The following CAMK2D variants were observed in gnomAD, a reference collection of about 807,000 sequenced individuals.
The protein encoded by CAMK2D is calcium/calmodulin dependent protein kinase II delta.
In CAMK2D, 37 loss-of-function variants were observed where a neutral mutation model predicts 84.0. The observed-to-expected ratio is 0.44, with a 90% CI of 0.34 to 0.58. CAMK2D has a LOEUF of 0.58. Ranked by LOEUF, CAMK2D falls within the 20% of genes least tolerant of loss-of-function variation. The pLI is 0.02. For missense variants in CAMK2D, 448 were observed against 652.5 expected (o/e 0.69, Z 3.41); for synonymous variants, 202 against 212.5 (o/e 0.95, Z 0.43).
At chr4:113,508,380 G>A (rs2098161143) in intron 13 of CAMK2D, 2 of 746,972 alleles carry the variant, frequency 2.7e-6, no homozygotes, top group African/African-American at 1.8e-5. Context: ...GGAGCTATAA[G>A]TTGAATGGAA....
intron 13 of CAMK2D, among the ~76,000 whole-genome samples, chr4:113,506,296 C>A (rs1046265724): frequency 5.9e-5 from 9 of 152,024 alleles, no homozygotes; most frequent in Admixed American, 5.2e-4. Context: ...TCTTTTCATT[C>A]CCTTTTGTCT....
At chr4:113,595,100 G>T (rs900722075) in intron 4 of CAMK2D, among the ~76,000 whole-genome samples, 1 of 152,008 alleles carries the variant, frequency 6.6e-6, no homozygotes, top group Admixed American at 6.5e-5. Context: ...AACTAGGCAA[G>T]AAGAAGAGTG....
Position 113,549,156 on chromosome 4 carries a change from G to A in CAMK2D, c.342-1440C>T, listed in dbSNP as rs2154197052. Among the ~76,000 whole-genome samples, 3 of 152,276 alleles carry A rather than the reference G, an allele frequency of 2.0e-5. 1 individual carries two copies. The South Asian group carries it at 6.2e-4, about 32-fold the overall frequency. ...AATCTGAGGTCACAATTAAACAGGTGTTGAAACAAGAGGGTAAACACAGAT... is the reference window on the plus strand; with the variant it reads ...AATCTGAGGTCACAATTAAACAGGTATTGAAACAAGAGGGTAAACACAGAT... On this transcript the variant is annotated intron_variant, in intron 5 of 20. Coordinates refer to ENST00000511664, the MANE Select transcript of CAMK2D (RefSeq NM_001321571.2).
intron 16 of CAMK2D, among the ~76,000 whole-genome samples, chr4:113,466,069 C>A (rs562103156): frequency 7.3e-5 from 11 of 151,630 alleles, no homozygotes; most frequent in Admixed American, 6.6e-5. Flanking sequence ...CTGACCCACA[C>A]GGAGAAACTT....
intron 2 of CAMK2D, among the ~76,000 whole-genome samples, chr4:113,684,566 T>C (rs770263187): frequency 6.6e-6 from 1 of 152,190 alleles, no homozygotes; most frequent in Admixed American, 6.5e-5. Flanking sequence ...GGGAAGAAGA[T>C]GACTATGCAG....
chr4:113,681,113 T>C (rs936186137), intron 2 of CAMK2D, among the ~76,000 whole-genome samples: 1 of 152,244 alleles, frequency 6.6e-6, no homozygotes, highest in African/African-American at 2.4e-5. Flanking sequence ...GATAGTCATA[T>C]TTAAGCTATA....
At chr4:113,635,130 G>C (rs2099105175) in intron 3 of CAMK2D, among the ~76,000 whole-genome samples, 1 of 152,076 alleles carries the variant, frequency 6.6e-6, no homozygotes, top group East Asian at 1.9e-4. Context: ...CTTTTTGCTG[G>C]GTTTTTACAA....
rs1249403678 is a variant in CAMK2D, at chr4:113,492,833, G to A, written c.1135+7630C>T. 1.7e-4 allele frequency among the ~76,000 whole-genome samples: 24 copies of A among 137,414 alleles called. No individual in the cohort carries two copies. The South Asian group carries it at 5.0e-3, about 29-fold the overall frequency. 90.1% of individuals were successfully genotyped at this position (137,414 alleles called of 152,430 possible). A position where few individuals can be genotyped will look rare whatever the true frequency, so the allele number is the denominator to read the frequency against. On this transcript the variant is annotated intron_variant, in intron 16 of 20. Coordinates refer to ENST00000511664, the MANE Select transcript of CAMK2D (RefSeq NM_001321571.2). Reference sequence around the variant, plus strand: ...TTATGAATCTGGGTGCTCCTGTATTGGGTGCATATATATTTAGGATAGTTA... The same window carrying A: ...TTATGAATCTGGGTGCTCCTGTATTAGGTGCATATATATTTAGGATAGTTA...
intron 2 of CAMK2D, among the ~76,000 whole-genome samples, chr4:113,739,591 A>G (rs1262094426): frequency 6.6e-6 from 1 of 152,210 alleles, no homozygotes; most frequent in African/African-American, 2.4e-5. Context: ...TCTAGTAATA[A>G]TTGACATGAG....
At chr4:113,544,028 T>C (rs1327483697) in intron 6 of CAMK2D, among the ~76,000 whole-genome samples, 3 of 152,108 alleles carry the variant, frequency 2.0e-5, no homozygotes, top group Non-Finnish European at 4.4e-5. Flanking sequence ...CCTGACCTCA[T>C]GATCCACCCG....
At chr4:113,649,866 G>A (rs980751381) in intron 3 of CAMK2D, among the ~76,000 whole-genome samples, 4 of 152,000 alleles carry the variant, frequency 2.6e-5, no homozygotes, top group Non-Finnish European at 5.9e-5. Flanking sequence ...CAGATCACCT[G>A]AGATCAGGAG....
intron 3 of CAMK2D, among the ~76,000 whole-genome samples, chr4:113,622,671 G>A (rs907248921): frequency 6.6e-6 from 1 of 152,184 alleles, no homozygotes; most frequent in Non-Finnish European, 1.5e-5. Flanking sequence ...GGCTGAAGAA[G>A]GAAGATTGTT....
chr4:113,709,753 A>ATATATATATAC (rs2099484234), intron 2 of CAMK2D, among the ~76,000 whole-genome samples: 4 of 92,314 alleles, frequency 4.3e-5, no homozygotes, highest in African/African-American at 1.9e-4. Flanking sequence ...AACGATATAT[A>ATATATATATAC]TATATATATA....
intron 2 of CAMK2D, among the ~76,000 whole-genome samples, chr4:113,671,345 T>C (rs1310729447): frequency 2.0e-5 from 3 of 152,166 alleles, no homozygotes; most frequent in African/African-American, 7.2e-5. Context: ...TGTGACTGAG[T>C]TCTCCTGAGA....
In CAMK2D at chr4:113,505,474, G is replaced by A. The variant is rs556572109; in HGVS notation, c.985-439C>T. ...ACACACACACATACATCTTTCTCTG[G>A]GGATCCAGCATTACTTTGCTTAGGA... On this transcript the variant is annotated intron_variant, in intron 13 of 20. Transcript: ENST00000511664. 3.3e-5 allele frequency among the ~76,000 whole-genome samples: 5 copies of A among 152,060 alleles called. No homozygotes were observed. The South Asian group carries it at 1.0e-3, about 32-fold the overall frequency.
intron 2 of CAMK2D, among the ~76,000 whole-genome samples, chr4:113,732,855 T>C (rs1002984545): frequency 6.6e-6 from 1 of 152,084 alleles, no homozygotes; most frequent in African/African-American, 2.4e-5. Flanking sequence ...CCTATCAAAA[T>C]ATATATATAT....
intron 2 of CAMK2D, among the ~76,000 whole-genome samples, chr4:113,666,617 G>C (rs765087492): frequency 2.0e-5 from 3 of 151,790 alleles, no homozygotes; most frequent in Non-Finnish European, 2.9e-5. Flanking sequence ...ACACGCACAC[G>C]CAGGCACACA....
At chr4:113,455,851 T>C in intron 19 of CAMK2D, 30 bp from the exon 20 acceptor site, 1 of 1,355,204 alleles carries the variant, frequency 7.4e-7, no homozygotes, top group East Asian at 2.3e-5. Flanking sequence ...TTAAGCCACC[T>C]GGCATAAAAT....
At chr4:113,599,603 C>A (rs1348192726) in intron 4 of CAMK2D, among the ~76,000 whole-genome samples, 3 of 152,154 alleles carry the variant, frequency 2.0e-5, no homozygotes, top group African/African-American at 7.2e-5. Context: ...AACCCCCCAA[C>A]AGTTGAAAAC....
Sources: allele counts gnomAD v4.1 joint callset (sites outside exome capture counted in the v4.1 genomes callset), GRCh38; gene constraint gnomAD v4.1.1; transcripts MANE v1.5; gene names NCBI Gene and HGNC (gene_info 2026-07-23, HGNC 2026-07-21).